The following PCDH11X variants were observed in gnomAD, a reference collection of about 807,000 sequenced individuals.
PCDH11X encodes the protein protocadherin-11 X-linked.
Under a neutral mutation model 53.3 loss-of-function variants are expected in PCDH11X, and 18 were observed. That is an observed-to-expected ratio of 0.34 (90% CI 0.23 to 0.50). The LOEUF (loss-of-function observed/expected upper bound fraction) is 0.50, where lower values mean the gene tolerates loss of function less well. PCDH11X is among the 20% of genes least tolerant of loss of function. The pLI, the probability that PCDH11X is intolerant of heterozygous loss-of-function variation, is 0.98. For missense variants in PCDH11X, 570 were observed against 1,032.4 expected (o/e 0.55, Z 6.14); for synonymous variants, 279 against 393.3 (o/e 0.71, Z 3.44).
chrX:91,847,052 C>T (rs1937711982), intron 5 of PCDH11X, among the ~76,000 whole-genome samples: 1 of 110,808 alleles, frequency 9.0e-6, no homozygotes, highest in Admixed American at 9.6e-5. Context: ...AATGATTTTT[C>T]ACAGAGGCAG....
At chrX:92,475,164 C>CAAAAAAA (rs761171281) in intron 10 of PCDH11X, among the ~76,000 whole-genome samples, 14 of 30,535 alleles carry the variant, frequency 4.6e-4, no homozygotes, top group Admixed American at 9.6e-4. Flanking sequence ...GACTCCGTCT[C>CAAAAAAA]AAAAAAAAAA....
intron 6 of PCDH11X, among the ~76,000 whole-genome samples, chrX:92,192,966 T>C (rs1180086651): frequency 9.0e-6 from 1 of 111,688 alleles, no homozygotes; most frequent in Non-Finnish European, 1.9e-5. Context: ...CTCGAACCCC[T>C]GATCTCAAGT....
At chrX:91,781,377 G>C (rs1248604349) in intron 1 of PCDH11X, among the ~76,000 whole-genome samples, 5 of 111,507 alleles carry the variant, frequency 4.5e-5, no homozygotes, top group Non-Finnish European at 9.4e-5. Flanking sequence ...CGCTCTTAGC[G>C]CTGCAACCAG....
intron 6 of PCDH11X, among the ~76,000 whole-genome samples, chrX:92,013,270 C>T (rs1345450809): frequency 9.0e-5 from 10 of 111,669 alleles, no homozygotes; most frequent in South Asian, 3.7e-4. Context: ...CATGAGTGAA[C>T]TCACATTCAC....
chrX:92,188,300 C>T (rs2066134241), intron 6 of PCDH11X, among the ~76,000 whole-genome samples: 1 of 111,523 alleles, frequency 9.0e-6, no homozygotes. Flanking sequence ...TAGGTCTCCA[C>T]AAGTGCAAAT....
intron 9 of PCDH11X, among the ~76,000 whole-genome samples, chrX:92,449,385 C>T (rs903185428): frequency 5.4e-5 from 6 of 111,760 alleles, no homozygotes; most frequent in Non-Finnish European, 7.5e-5. Flanking sequence ...GATGGTTGAT[C>T]ATTCTCATGA....
chrX:92,086,194 G>T (rs1345513457), intron 6 of PCDH11X, among the ~76,000 whole-genome samples: 1 of 110,991 alleles, frequency 9.0e-6, no homozygotes, highest in Non-Finnish European at 1.9e-5. Context: ...ACTGAAGGTT[G>T]CTTAATACCA....
chrX:92,249,056 G>A (rs1375344968), intron 7 of PCDH11X, among the ~76,000 whole-genome samples: 1 of 109,732 alleles, frequency 9.1e-6, no homozygotes, highest in Admixed American at 9.9e-5. Context: ...TGATATAAAG[G>A]CAAGCTTTTA....
chrX:92,359,491 C>T (rs966510399), intron 8 of PCDH11X, among the ~76,000 whole-genome samples: 8 of 109,426 alleles, frequency 7.3e-5, no homozygotes, highest in African/African-American at 2.3e-4. Context: ...GGAATTTAAA[C>T]TTTAGTTTAA....
chrX:92,566,511 C>T (rs1296298452), intron 10 of PCDH11X, among the ~76,000 whole-genome samples: 1 of 109,375 alleles, frequency 9.1e-6, no homozygotes, highest in Non-Finnish European at 1.9e-5. Flanking sequence ...TTTAGATGAA[C>T]TAAATCCAGA....
At chrX:92,517,199 C>T (rs2074285515) in intron 10 of PCDH11X, among the ~76,000 whole-genome samples, 1 of 111,144 alleles carries the variant, frequency 9.0e-6, no homozygotes. Flanking sequence ...TTTATCCTCC[C>T]TTCTTTTGTT....
At chrX:92,001,560 C>T (rs2062511184) in intron 6 of PCDH11X, among the ~76,000 whole-genome samples, 1 of 107,427 alleles carries the variant, frequency 9.3e-6, no homozygotes, top group South Asian at 4.2e-4. Flanking sequence ...CCTCTGACGC[C>T]TGGGTTCAAG....
chrX:92,128,847 G>T (rs1282027147), intron 6 of PCDH11X, among the ~76,000 whole-genome samples: 6 of 110,091 alleles, frequency 5.5e-5, no homozygotes, highest in Non-Finnish European at 7.5e-5. Flanking sequence ...AATAGAAGAG[G>T]TTTTCTCAGG....
chrX:91,954,861 G>A (rs1321225370), intron 6 of PCDH11X, among the ~76,000 whole-genome samples: 1 of 108,011 alleles, frequency 9.3e-6, no homozygotes, highest in Non-Finnish European at 1.9e-5. Flanking sequence ...TGGAATTTAA[G>A]CCTTTGTCAG....
At chrX:92,187,673 G>A (rs1387879593) in intron 6 of PCDH11X, among the ~76,000 whole-genome samples, 1 of 111,674 alleles carries the variant, frequency 9.0e-6, no homozygotes. Context: ...ACAGATGGTT[G>A]AGGTTTTCGT....
At chrX:92,141,255 C>G (rs1234269265) in intron 6 of PCDH11X, among the ~76,000 whole-genome samples, 1 of 111,361 alleles carries the variant, frequency 9.0e-6, no homozygotes, top group Non-Finnish European at 1.9e-5. Context: ...TTTAAAAATT[C>G]TATATTCCAT....
At chrX:91,987,420 G>T (rs2062244326) in intron 6 of PCDH11X, among the ~76,000 whole-genome samples, 2 of 111,502 alleles carry the variant, frequency 1.8e-5, no homozygotes, top group African/African-American at 3.3e-5. Context: ...ATTAAATTGG[G>T]TTATATTATT....
intron 6 of PCDH11X, among the ~76,000 whole-genome samples, chrX:92,042,713 A>T (rs1466115664): frequency 3.4e-5 from 3 of 89,431 alleles, no homozygotes; most frequent in African/African-American, 4.4e-5. Context: ...ATCTCAGCTC[A>T]TGCAACCTAC....
At chrX:91,941,693 G>A (rs1327774610) in intron 6 of PCDH11X, among the ~76,000 whole-genome samples, 2 of 109,090 alleles carry the variant, frequency 1.8e-5, no homozygotes, top group South Asian at 8.0e-4. Flanking sequence ...GATTGCCACT[G>A]TCAACTAACT....
Sources: allele counts gnomAD v4.1 joint callset (sites outside exome capture counted in the v4.1 genomes callset), GRCh38; gene constraint gnomAD v4.1.1; transcripts MANE v1.5; gene names NCBI Gene and HGNC (gene_info 2026-07-23, HGNC 2026-07-21).